The following DYNC1I1 variants were observed in gnomAD, a reference collection of about 807,000 sequenced individuals.
DYNC1I1 encodes dynein cytoplasmic 1 intermediate chain 1.
A neutral mutation model predicts 86.6 loss-of-function variants in DYNC1I1; 43 were observed. The observed-to-expected ratio is 0.50, with a 90% CI of 0.39 to 0.64. The LOEUF is 0.64. Ranked by LOEUF, DYNC1I1 falls within the 30% of genes least tolerant of loss-of-function variation. The pLI is 0.00. For synonymous variants in DYNC1I1, 262 were observed against 283.7 expected, an observed-to-expected ratio of 0.92 and a Z score of 0.77; for missense variants, 604 against 788.8, an observed-to-expected ratio of 0.77 and a Z score of 2.81.
intron 10 of DYNC1I1, among the ~76,000 whole-genome samples, chr7:96,027,057 C>T (rs1161004184): frequency 6.6e-6 from 1 of 152,262 alleles, no homozygotes; most frequent in African/African-American, 2.4e-5. Context: ...GCCCATACGA[C>T]TGTGTTTCTG....
At chr7:95,903,244 T>A (rs1182995203) in intron 6 of DYNC1I1, among the ~76,000 whole-genome samples, 1 of 152,228 alleles carries the variant, frequency 6.6e-6, no homozygotes, top group East Asian at 1.9e-4. Flanking sequence ...CATATTTACC[T>A]TCTCCTAGTT....
Position 96,094,554 on chromosome 7 carries a change from A to G in DYNC1I1, c.1777-2929A>G, listed in dbSNP as rs555470422. ...CCCTGGCCCTCTTGTTTGTTAGGACACCTGTTTGGTCTTACCTACAAGTAA... is the reference window on the plus strand; with the variant it reads ...CCCTGGCCCTCTTGTTTGTTAGGACGCCTGTTTGGTCTTACCTACAAGTAA... On this transcript the variant is annotated intron_variant, in intron 16 of 16. Coordinates refer to ENST00000447467, the MANE Select transcript of DYNC1I1 (RefSeq NM_001135556.2). Among the ~76,000 whole-genome samples the G allele has an allele frequency of 2.6e-5, 4 of 152,316 alleles. No homozygotes were observed. In the East Asian group the frequency reaches 7.7e-4, roughly 29 times the overall value.
At chr7:96,058,779 A>T (rs759677480) in intron 14 of DYNC1I1, among the ~76,000 whole-genome samples, 7 of 147,310 alleles carry the variant, frequency 4.8e-5, no homozygotes, top group African/African-American at 1.8e-4. Flanking sequence ...AATTACAGGC[A>T]TGTGCTACCA....
rs59920958 is a variant in DYNC1I1, at chr7:96,065,980, G to A, written c.1510-10077G>A. On this transcript the variant is annotated intron_variant, in intron 14 of 16. Coordinates refer to ENST00000447467, the MANE Select transcript of DYNC1I1 (RefSeq NM_001135556.2). ...CATCTCTGAATCTGTTTAGCACATA[G>A]CACATTTATCAATGCACATTTAATA... Among the ~76,000 whole-genome samples the A allele has an allele frequency of 7.6e-3, 1,157 of 152,280 alleles. 25 individuals carry two copies. The highest frequency in any genetic ancestry group is 0.046 in the Admixed American group (706 of 15,296).
At chr7:95,854,463 C>T (rs1222986572) in intron 5 of DYNC1I1, among the ~76,000 whole-genome samples, 2 of 152,102 alleles carry the variant, frequency 1.3e-5, no homozygotes, top group African/African-American at 4.8e-5. Context: ...CTCTGTGTCA[C>T]AATATGTATT....
chr7:96,060,249 A>G (rs550505203), intron 14 of DYNC1I1, among the ~76,000 whole-genome samples: 28 of 152,200 alleles, frequency 1.8e-4, no homozygotes, highest in Middle Eastern at 3.4e-3. Context: ...CCATCATTAC[A>G]TATTCATGGT....
rs76331233 is a variant in DYNC1I1 at position 95,874,898 on chromosome 7, C to T, written c.490+4900C>T. ...GAGCAGACTAAGACAGCAGCTAACACAGCAAGATCATACCAGTTAACCTTC... is the reference window on the plus strand; with the variant it reads ...GAGCAGACTAAGACAGCAGCTAACATAGCAAGATCATACCAGTTAACCTTC... On this transcript the variant is annotated intron_variant, in intron 6 of 16. Transcript: ENST00000447467. Among the ~76,000 whole-genome samples, 389 of 152,364 alleles carry T rather than the reference C, an allele frequency of 2.6e-3. 2 individuals carry two copies. Among genetic ancestry groups the T allele is most frequent in the African/African-American group, 9.0e-3 (374 of 41,588 alleles).
chr7:95,951,530 A>G (rs1001723195), intron 6 of DYNC1I1, among the ~76,000 whole-genome samples: 1 of 152,178 alleles, frequency 6.6e-6, no homozygotes, highest in Admixed American at 6.5e-5. Context: ...CATTACCTAT[A>G]GTTTTCTGTT....
intron 14 of DYNC1I1, 78 bp downstream of exon 14, chr7:96,039,499 C>G (rs1788971731): frequency 9.5e-6 from 15 of 1,586,472 alleles, no homozygotes; most frequent in African/African-American, 1.3e-5. Flanking sequence ...AAACAGTTGT[C>G]CCTAAAGCCT....
intron 5 of DYNC1I1, among the ~76,000 whole-genome samples, chr7:95,848,323 T>C (rs138269020): frequency 2.0e-5 from 3 of 151,844 alleles, no homozygotes; most frequent in African/African-American, 7.2e-5. Context: ...ACAATAGATC[T>C]CTTGAACTTA....
intron 2 of DYNC1I1, among the ~76,000 whole-genome samples, chr7:95,808,629 T>G (rs193005014): frequency 4.5e-4 from 68 of 152,316 alleles, no homozygotes; most frequent in African/African-American, 1.5e-3. Context: ...CAAGGTAGAA[T>G]GGCCAGGGGT....
chr7:95,933,507 G>T (rs1463304956), intron 6 of DYNC1I1, among the ~76,000 whole-genome samples: 1 of 152,214 alleles, frequency 6.6e-6, no homozygotes, highest in Non-Finnish European at 1.5e-5. Flanking sequence ...TTCTTGTAAA[G>T]CAAGAGTAAT....
In DYNC1I1 at chr7:95,985,949, T is replaced by C. The variant is rs538614140; in HGVS notation, c.743+972T>C. ...GTTTTTTTGAAAAGCCATTTTTCTA[T>C]GACTTTCTTGATTTTGTTGGTCCTA... On this transcript the variant is annotated intron_variant, in intron 8 of 16. Transcript: ENST00000447467. Among the ~76,000 whole-genome samples, 3 of 152,164 alleles carry C rather than the reference T, an allele frequency of 2.0e-5. No individual in the cohort carries two copies. The South Asian group carries it at 6.2e-4, about 32-fold the overall frequency.
intron 10 of DYNC1I1, among the ~76,000 whole-genome samples, chr7:96,022,520 G>A (rs1794577919): frequency 6.6e-6 from 1 of 152,042 alleles, no homozygotes; most frequent in African/African-American, 2.4e-5. Flanking sequence ...TAGAAGAATA[G>A]CCTGTGCACC....
chr7:96,097,866 T>A lies in DYNC1I1; in HGVS notation c.*273T>A. 1 of 1,155,126 alleles carries A rather than the reference T, an allele frequency of 8.7e-7. No homozygotes were observed. Among genetic ancestry groups the A allele is most frequent in the African/African-American group, 1.6e-5 (1 of 63,814 alleles). The allele number at this position is 1,155,126 out of a possible 1,614,324, so 71.6% of individuals were successfully genotyped here. A position where few individuals can be genotyped will look rare whatever the true frequency, so the allele number is the denominator to read the frequency against. ...GTTAAGTTGCTGCCTTTTAACTACT[T>A]TGTAGCTGTATTTAATAGCTGGAAA... On this transcript the variant is annotated 3_prime_UTR_variant, in exon 17 of 17. Coordinates refer to ENST00000447467, the MANE Select transcript of DYNC1I1 (RefSeq NM_001135556.2).
chr7:96,067,810 A>G (rs935858317), intron 14 of DYNC1I1, among the ~76,000 whole-genome samples: 1 of 152,074 alleles, frequency 6.6e-6, no homozygotes, highest in African/African-American at 2.4e-5. Context: ...TTTTCATTTT[A>G]ATGATATATT....
chr7:95,923,622 A>G (rs949612554), intron 6 of DYNC1I1, among the ~76,000 whole-genome samples: 2 of 152,132 alleles, frequency 1.3e-5, no homozygotes, highest in Admixed American at 1.3e-4. Flanking sequence ...CTGTACTCAA[A>G]CAATCATTTT....
intron 16 of DYNC1I1, among the ~76,000 whole-genome samples, chr7:96,082,461 A>G (rs560671084): frequency 6.6e-6 from 1 of 152,296 alleles, no homozygotes; most frequent in African/African-American, 2.4e-5. Flanking sequence ...TCTCCTTTGC[A>G]TACACATAAC....
At chr7:96,023,189 C>T (rs187716817) in intron 10 of DYNC1I1, among the ~76,000 whole-genome samples, 163 of 150,528 alleles carry the variant, frequency 1.1e-3, no homozygotes, top group Admixed American at 2.2e-3. Flanking sequence ...TGTTTTTAGG[C>T]AAATAAAACG....
Sources: allele counts gnomAD v4.1 joint callset (sites outside exome capture counted in the v4.1 genomes callset), GRCh38; gene constraint gnomAD v4.1.1; transcripts MANE v1.5; gene names NCBI Gene and HGNC (gene_info 2026-07-23, HGNC 2026-07-21).